Variants in SEMA3D observed in about 807,000 individuals in gnomAD.
The protein encoded by SEMA3D is semaphorin-3D.
A neutral mutation model predicts 100.1 loss-of-function variants in SEMA3D; 84 were observed. The ratio of observed to expected loss-of-function variants is 0.84; its 90% CI spans 0.70 to 1.01. The LOEUF (loss-of-function observed/expected upper bound fraction) is 1.01. Ranked by LOEUF, SEMA3D falls within the 50% of genes least tolerant of loss-of-function variation. SEMA3D has a pLI of 0.00. For missense variants in SEMA3D, 875 were observed against 934.1 expected (o/e 0.94, Z 0.82); for synonymous variants, 312 against 320.7 (o/e 0.97, Z 0.29).
At chr7:85,076,571 T>G (rs1215378313) in intron 5 of SEMA3D, among the ~76,000 whole-genome samples, 1 of 152,232 alleles carries the variant, frequency 6.6e-6, no homozygotes, top group African/African-American at 2.4e-5. Context: ...TTATATCTAT[T>G]CTGATAACTG....
intron 15 of SEMA3D, among the ~76,000 whole-genome samples, chr7:85,017,371 C>T (rs558761444): frequency 9.2e-4 from 140 of 151,718 alleles, no homozygotes; most frequent in African/African-American, 3.2e-3. Flanking sequence ...AGGTTAATGG[C>T]GAGCTATGTT....
At chr7:85,187,468 G>A (rs1791592883), upstream of SEMA3D, among the ~76,000 whole-genome samples, 1 of 152,172 alleles carries the variant, frequency 6.6e-6, no homozygotes, top group African/African-American at 2.4e-5. Flanking sequence ...TAATGGCCTT[G>A]ACAAGGCAGG....
chr7:85,159,951 G>A, intron 1 of SEMA3D: 1 of 984,826 alleles, frequency 1.0e-6, no homozygotes, highest in Non-Finnish European at 1.2e-6. Flanking sequence ...AGAAACACAA[G>A]CCATAAGTTC....
intron 12 of SEMA3D, among the ~76,000 whole-genome samples, chr7:85,031,488 G>A (rs1424873214): frequency 6.6e-6 from 1 of 151,916 alleles, no homozygotes; most frequent in Non-Finnish European, 1.5e-5. Flanking sequence ...ATTATTACTT[G>A]TGCAGAGAAT....
At chr7:85,141,354 C>T in intron 2 of SEMA3D, 1 of 984,484 alleles carries the variant, frequency 1.0e-6, no homozygotes, top group African/African-American at 1.7e-5. Flanking sequence ...CAACTAACTG[C>T]ACAGTATGCC....
intron 7 of SEMA3D, 62 bp downstream of exon 7, chr7:85,068,129 C>T (rs1224971231): frequency 1.1e-6 from 1 of 935,558 alleles, no homozygotes; most frequent in Non-Finnish European, 1.7e-6. Context: ...AAATGCGGTT[C>T]AGTCAAAAAA....
the SEMA3D span, among the ~76,000 whole-genome samples, chr7:85,229,750 T>C: frequency 6.6e-6 from 1 of 152,144 alleles, no homozygotes; most frequent in Non-Finnish European, 1.5e-5. Flanking sequence ...TCCCCTCTAC[T>C]AACATGTCTG....
At chr7:85,014,351 G>A (rs1020360303) in intron 16 of SEMA3D, among the ~76,000 whole-genome samples, 22 of 151,738 alleles carry the variant, frequency 1.4e-4, no homozygotes, top group African/African-American at 4.4e-4. Context: ...CAGGCATATC[G>A]ATGGGCATTC....
the SEMA3D span, among the ~76,000 whole-genome samples, chr7:85,206,269 A>G: frequency 2.0e-5 from 3 of 152,138 alleles, no homozygotes; most frequent in Non-Finnish European, 4.4e-5. Context: ...TGAACTGGAA[A>G]TTACAAATAT....
intron 1 of SEMA3D, among the ~76,000 whole-genome samples, chr7:85,177,229 T>G (rs916969480): frequency 6.6e-6 from 1 of 152,130 alleles, no homozygotes; most frequent in Admixed American, 6.5e-5. Context: ...AATAGGGAGA[T>G]AGTAAGATGG....
intron 1 of SEMA3D, chr7:85,157,510 G>A: frequency 5.3e-6 from 1 of 189,286 alleles, no homozygotes; most frequent in Non-Finnish European, 9.8e-6. Flanking sequence ...TATGTATACT[G>A]TCTAAAATGT....
chr7:85,053,484 AG>A (rs1791224202), intron 9 of SEMA3D, among the ~76,000 whole-genome samples: 1 of 151,504 alleles, frequency 6.6e-6, no homozygotes, highest in African/African-American at 2.4e-5. Flanking sequence ...AATGATGCTG[AG>A]GTCTTTTTTT....
intron 1 of SEMA3D, chr7:85,157,557 C>A: frequency 2.0e-6 from 1 of 505,564 alleles, no homozygotes; most frequent in Non-Finnish European, 2.6e-6. Flanking sequence ...GCTTTTCGCA[C>A]CATGTCCCAA....
In SEMA3D at chr7:85,020,278, C is replaced by G. The variant is rs758694718; in HGVS notation, c.1458G>C (p.Lys486Asn). Residue 486 changes from lysine (K) to asparagine (N), a missense_variant, in exon 14 of 19, where the codon AAG (lysine) becomes AAC (asparagine). Physicochemically the swap from Lys to Asn is moderately conservative, Grantham distance 94. Transcript: ENST00000284136. ...VLKVVSISKEKWNMEEVVLEE... is the reference protein window; with the variant it reads ...VLKVVSISKENWNMEEVVLEE... ...CCAGCACTACCTCTTCCATATTCCACTTTTCCTTTGAAATGCTGACAACTT... is the reference window on the plus strand; with the variant it reads ...CCAGCACTACCTCTTCCATATTCCAGTTTTCCTTTGAAATGCTGACAACTT... 6.2e-7 allele frequency: 1 copy of G among 1,610,356 alleles called. No homozygotes were observed. Among genetic ancestry groups the G allele is most frequent in the South Asian group, 1.1e-5 (1 of 90,980 alleles).
chr7:85,086,298 AT>A lies in SEMA3D; in HGVS notation c.313-4720del, dbSNP rs1334445709. ...TCAGTTTAATTATGATTTGTGGTGG[AT>A]TTTTTTTCTTACATACTACCTAGTC... On this transcript the variant is annotated intron_variant, in intron 4 of 18. Coordinates refer to ENST00000284136, the MANE Select transcript of SEMA3D (RefSeq NM_001384900.1). Among the ~76,000 whole-genome samples, 7 of 151,842 alleles carry A rather than the reference AT, an allele frequency of 4.6e-5. No homozygotes were observed. The East Asian group carries it at 9.7e-4, about 21-fold the overall frequency.
chr7:85,230,723 A>G, the SEMA3D span, among the ~76,000 whole-genome samples: 1 of 152,098 alleles, frequency 6.6e-6, no homozygotes, highest in Non-Finnish European at 1.5e-5. Context: ...CTGTTTGCTC[A>G]TTTCCTGAAT....
At chr7:85,114,504 G>A (rs900643590) in intron 3 of SEMA3D, among the ~76,000 whole-genome samples, 2 of 152,132 alleles carry the variant, frequency 1.3e-5, no homozygotes, top group Non-Finnish European at 2.9e-5. Flanking sequence ...TCTATTATTA[G>A]CATACAACCT....
intron 1 of SEMA3D, among the ~76,000 whole-genome samples, chr7:85,169,076 C>T (rs973625100): frequency 1.3e-5 from 2 of 151,478 alleles, no homozygotes; most frequent in Non-Finnish European, 3.0e-5. Context: ...TTTTCTTATA[C>T]TATGAGTCCA....
At chr7:85,226,136 T>A in the SEMA3D span, among the ~76,000 whole-genome samples, 1 of 152,162 alleles carries the variant, frequency 6.6e-6, no homozygotes, top group South Asian at 2.1e-4. Flanking sequence ...TGTTTAACAT[T>A]CCAGGGCTTT....
Sources: allele counts gnomAD v4.1 joint callset (sites outside exome capture counted in the v4.1 genomes callset), GRCh38; gene constraint gnomAD v4.1.1; transcripts MANE v1.5; gene names NCBI Gene and HGNC (gene_info 2026-07-23, HGNC 2026-07-21).